The following PHF12 variants were observed in gnomAD, a reference collection of about 807,000 sequenced individuals.
PHF12 encodes PHD finger protein 12, also known as PHD factor 1.
In PHF12, 6 loss-of-function variants were observed where a neutral mutation model predicts 99.8. The observed-to-expected ratio is 0.06, with a 90% CI of 0.03 to 0.12. PHF12 has a LOEUF of 0.12. Among genes scored for constraint, PHF12 ranks in the 10% least tolerant of loss-of-function variants. The probability of loss-of-function intolerance (pLI) is 1.00; values close to 1 mark genes in which losing one functional copy is unlikely to be tolerated. For synonymous variants in PHF12, 480 were observed against 514.9 expected (o/e 0.93, Z 0.92); for missense variants, 954 against 1,300.1 (o/e 0.73, Z 4.09).
chr17:28,916,984 T>C (rs1336827372), intron 7 of PHF12, among the ~76,000 whole-genome samples: 1 of 152,186 alleles, frequency 6.6e-6, no homozygotes, highest in Non-Finnish European at 1.5e-5. Flanking sequence ...GAATGAGCGT[T>C]AGGTGAGGGT....
intron 2 of PHF12, among the ~76,000 whole-genome samples, chr17:28,939,629 T>C (rs1453905234): frequency 6.6e-6 from 1 of 152,266 alleles, no homozygotes; most frequent in Non-Finnish European, 1.5e-5. Flanking sequence ...CCTTATTTCA[T>C]AATGCAGAGG....
At chr17:28,940,478 T>G (rs372576884) in intron 2 of PHF12, among the ~76,000 whole-genome samples, 4 of 152,254 alleles carry the variant, frequency 2.6e-5, no homozygotes, top group South Asian at 4.1e-4. Flanking sequence ...ATTTACTTAT[T>G]GTGAATTCCA....
Position 28,951,475 on chromosome 17 carries a change from C to T in PHF12, c.-515G>A. 1.0e-6 allele frequency: 1 copy of T among 985,482 alleles called. No individual in the cohort carries two copies. Among genetic ancestry groups the T allele is most frequent in the Non-Finnish European group, 1.2e-6 (1 of 829,946 alleles). The allele number at this position is 985,482 out of a possible 1,614,324, so 61.0% of individuals were successfully genotyped here. On this transcript the variant is annotated 5_prime_UTR_variant, in exon 1 of 15. Coordinates refer to ENST00000332830, the MANE Select transcript of PHF12 (RefSeq NM_001033561.2). The stretch of plus-strand genomic sequence containing the variant: ...ACTTGGCGCAAACTTACCGCGAGCG[C>T]CCGCAAAGCCACCCGCGCAGGCGCC...
At chr17:28,922,804 G>T (rs2040189422) in intron 4 of PHF12, among the ~76,000 whole-genome samples, 1 of 152,164 alleles carries the variant, frequency 6.6e-6, no homozygotes, top group African/African-American at 2.4e-5. Flanking sequence ...AAGAAGGCCA[G>T]GCGCAGTGGC....
At chr17:28,921,549 A>G in intron 5 of PHF12, 139 bp downstream of exon 5, 1 of 1,111,520 alleles carries the variant, frequency 9.0e-7, no homozygotes, top group South Asian at 1.5e-5. Flanking sequence ...TCGTCAGTCC[A>G]TTAGTTAGTC....
Position 28,913,985 on chromosome 17 carries a change from G to C in PHF12, c.1187C>G (p.Pro396Arg). 1 of 1,613,686 alleles carries C rather than the reference G, an allele frequency of 6.2e-7. No individual in the cohort carries two copies. Among genetic ancestry groups the C allele is most frequent in the East Asian group, 2.2e-5 (1 of 44,866 alleles). ...QYQFPPPLIA[P>R]AAIRDGELIC... ...CAGCTCCCCGTCCCGAATGGCCGCG[G>C]GTGCAATGAGAGGGGGTGGAAACTG... Residue 396 changes from proline (P) to arginine (R), a missense_variant, in exon 8 of 15, where the codon CCC becomes CGC. Physicochemically the swap from Pro to Arg is moderately radical, Grantham distance 103. Transcript: ENST00000332830.
chr17:28,924,803 T>C (rs1331853351), intron 3 of PHF12: 2 of 173,684 alleles, frequency 1.2e-5, no homozygotes, highest in African/African-American at 2.4e-5. Flanking sequence ...ACACAAAAAT[T>C]AGCTGGGTGT....
chr17:28,940,677 A>G (rs118163927), intron 2 of PHF12, among the ~76,000 whole-genome samples: 43 of 152,314 alleles, frequency 2.8e-4, no homozygotes, highest in Non-Finnish European at 4.6e-4. Context: ...AAGGATTTTG[A>G]TATCTGGAAA....
chr17:28,913,968 C>G lies in PHF12; in HGVS notation c.1204G>C (p.Gly402Arg). The change falls in exon 8 of 15, where the codon GGG becomes CGG. Residue 402 changes from glycine to arginine, a missense_variant. Physicochemically the swap from Gly to Arg is moderately radical, Grantham distance 125. Coordinates refer to ENST00000332830, the MANE Select transcript of PHF12 (RefSeq NM_001033561.2). ...PLIAPAAIRD[G>R]ELICNGIPEE... Reference sequence around the variant, plus strand: ...GGGATCCCATTGCAGATCAGCTCCCCGTCCCGAATGGCCGCGGGTGCAATG... The same window carrying G: ...GGGATCCCATTGCAGATCAGCTCCCGGTCCCGAATGGCCGCGGGTGCAATG... 6 of 1,613,876 alleles carry G rather than the reference C, an allele frequency of 3.7e-6. No homozygotes were observed. Among genetic ancestry groups the G allele is most frequent in the Non-Finnish European group, 4.2e-6 (5 of 1,179,856 alleles).
intron 5 of PHF12, 72 bp from the exon 6 acceptor site, chr17:28,919,347 C>G (rs1391518982): frequency 4.1e-6 from 6 of 1,465,100 alleles, no homozygotes; most frequent in African/African-American, 1.4e-5. Context: ...ACCTGTGGAA[C>G]AGCCTCCCCT....
chr17:28,939,537 T>C (rs950229759), intron 2 of PHF12, among the ~76,000 whole-genome samples: 3 of 152,188 alleles, frequency 2.0e-5, no homozygotes, highest in Admixed American at 6.5e-5. Flanking sequence ...GATGGTTTAG[T>C]GAACGTGGGA....
intron 2 of PHF12, among the ~76,000 whole-genome samples, chr17:28,936,726 AAG>A (rs1294133024): frequency 2.6e-5 from 4 of 151,990 alleles, no homozygotes; most frequent in African/African-American, 9.7e-5. Context: ...TTGGTGGGGG[AAG>A]AGGTGTTCAG....
chr17:28,939,714 G>A (rs1347226719), intron 2 of PHF12, among the ~76,000 whole-genome samples: 1 of 152,186 alleles, frequency 6.6e-6, no homozygotes, highest in African/African-American at 2.4e-5. Context: ...ATGCAGACAG[G>A]AGAAAAATAA....
chr17:28,912,101 C>G, intron 9 of PHF12: 13 of 1,037,814 alleles, frequency 1.3e-5, no homozygotes, highest in Non-Finnish European at 1.4e-5. Flanking sequence ...GAGGCCATCA[C>G]GCAGAACCTC....
intron 2 of PHF12, among the ~76,000 whole-genome samples, chr17:28,941,074 A>G (rs144357187): frequency 1.2e-3 from 185 of 149,098 alleles, no homozygotes; most frequent in Non-Finnish European, 1.9e-3. Context: ...CTGGTGACTT[A>G]AAACGCTGGA....
In PHF12 at chr17:28,950,694, G is replaced by T. The variant is rs921060794; in HGVS notation, c.66+201C>A. ...TCGGGAGAGCGAATCGAGGGCGGCG[G>T]GTAGGTGAAACTGCTGCAAACGTCC... On this transcript the variant is annotated intron_variant, in intron 1 of 14. Transcript: ENST00000332830. The surrounding 1 kb of genome is among the most constrained non-coding windows in gnomAD (Gnocchi z 5.7). 13 of 693,752 alleles carry T rather than the reference G, an allele frequency of 1.9e-5. No individual in the cohort carries two copies. In the African/African-American group the frequency reaches 2.2e-4, roughly 12 times the overall value. 43.0% of individuals were successfully genotyped at this position (693,752 alleles called of 1,614,324 possible). A position where few individuals can be genotyped will look rare whatever the true frequency, so the allele number is the denominator to read the frequency against.
chr17:28,935,366 G>T (rs1399271050), intron 2 of PHF12, among the ~76,000 whole-genome samples: 1 of 152,082 alleles, frequency 6.6e-6, no homozygotes, highest in Non-Finnish European at 1.5e-5. Context: ...CTGTCTCCCG[G>T]GTTCAAGAGA....
intron 2 of PHF12, 49 bp from the exon 3 acceptor site, chr17:28,927,112 A>G (rs777403914): frequency 6.5e-7 from 1 of 1,535,608 alleles, no homozygotes; most frequent in African/African-American, 1.4e-5. Flanking sequence ...CCTTTGAGGC[A>G]GTAGGAAAAG....
chr17:28,913,964 T>A lies in PHF12; in HGVS notation c.1208A>T (p.Glu403Val), dbSNP rs1358578939. The change falls in exon 8 of 15, where the codon GAG (glutamate) becomes GTG (valine). Residue 403 changes from glutamate (E) to valine (V), a missense_variant. Transcript: ENST00000332830. ...CTCAGGGATCCCATTGCAGATCAGC[T>A]CCCCGTCCCGAATGGCCGCGGGTGC... ...LIAPAAIRDGELICNGIPEES... is the reference protein window; with the variant it reads ...LIAPAAIRDGVLICNGIPEES... The A allele has an allele frequency of 6.2e-7, 1 of 1,613,792 alleles. No homozygotes were observed. Among genetic ancestry groups the A allele is most frequent in the Admixed American group, 1.7e-5 (1 of 59,988 alleles).
Sources: gnomAD v4.1 joint callset for allele counts (sites outside exome capture counted in the v4.1 genomes callset) on GRCh38, gnomAD v4.1.1 for gene constraint, Gnocchi (gnomAD v3.1) non-coding constraint, MANE v1.5 for transcripts, NCBI Gene and HGNC (gene_info 2026-07-23, HGNC 2026-07-21) for gene names.